The following SARDH variants were observed in gnomAD, a reference collection of about 807,000 sequenced individuals.
SARDH encodes sarcosine dehydrogenase, also known as sarcosine dehydrogenase, mitochondrial.
In SARDH, 95 loss-of-function variants were observed where a neutral mutation model predicts 109.1. That is an observed-to-expected ratio of 0.87 (90% CI 0.74 to 1.03). SARDH has a LOEUF of 1.03. Ranked by LOEUF, SARDH falls within the 50% of genes least tolerant of loss-of-function variation. The pLI, the probability that SARDH is intolerant of heterozygous loss-of-function variation, is 0.00. For synonymous variants in SARDH, 572 were observed against 534.8 expected, an observed-to-expected ratio of 1.07 and a Z score of -0.96; for missense variants, 1,267 against 1,287.8, an observed-to-expected ratio of 0.98 and a Z score of 0.25.
At chr9:133,706,893 C>T (rs2131428736) in intron 11 of SARDH, among the ~76,000 whole-genome samples, 1 of 152,232 alleles carries the variant, frequency 6.6e-6, no homozygotes, top group Admixed American at 6.5e-5. Context: ...AGGAGGCACG[C>T]CCAAGGCCAC....
chr9:133,670,311 A>G (rs1830294023), intron 19 of SARDH, among the ~76,000 whole-genome samples: 1 of 144,002 alleles, frequency 6.9e-6, no homozygotes, highest in African/African-American at 2.6e-5. Flanking sequence ...CCTGGGCAAT[A>G]GAGTGAGACT....
At chr9:133,708,465 A>T (rs368192934) in intron 10 of SARDH, 37 bp from the exon 11 acceptor site, 31 of 1,581,134 alleles carry the variant, frequency 2.0e-5, no homozygotes, top group Non-Finnish European at 2.7e-5. Flanking sequence ...TGCTTTGGGG[A>T]TGGCCCGTCA....
In SARDH at chr9:133,692,277, T is replaced by C. The variant is rs1010120316; in HGVS notation, c.1922-1750A>G. 6.6e-6 allele frequency among the ~76,000 whole-genome samples: 1 copy of C among 152,150 alleles called. No homozygotes were observed. Among genetic ancestry groups the C allele is most frequent in the African/African-American group, 2.4e-5 (1 of 41,434 alleles). ...GACCTGGCCAGGATTTTTGGTGACC[T>C]GTGTCCTCATTTTGGCCCCTCTACT... On this transcript the variant is annotated intron_variant, in intron 15 of 20. Coordinates refer to ENST00000439388, the MANE Select transcript of SARDH (RefSeq NM_001134707.2). The surrounding 1 kb of genome is among the most constrained non-coding windows in gnomAD (Gnocchi z 5.0).
downstream of SARDH, among the ~76,000 whole-genome samples, chr9:133,661,169 G>A (rs571957958): frequency 1.5e-4 from 23 of 152,100 alleles, 1 homozygote; most frequent in South Asian, 1.2e-3. Context: ...GTGAAACCCC[G>A]TCTCTACTAA....
chr9:133,701,914 G>C (rs918490082), intron 13 of SARDH, among the ~76,000 whole-genome samples: 1 of 152,236 alleles, frequency 6.6e-6, no homozygotes, highest in Non-Finnish European at 1.5e-5. Context: ...AGAGTCTCAA[G>C]GCACTGACAG....
rs1831847987 is a variant in SARDH at position 133,709,811 on chromosome 9, C to T, written c.1329-1383G>A. On this transcript the variant is annotated intron_variant, in intron 10 of 20. Coordinates refer to ENST00000439388, the MANE Select transcript of SARDH (RefSeq NM_001134707.2). The surrounding 1 kb of genome is among the most constrained non-coding windows in gnomAD (Gnocchi z 4.2). ...ATTAACTCTTTCACGCAGGGGGAAA[C>T]TGAGGCTCGGAAGGGTCTCACAAGT... is the stretch of plus-strand genomic sequence containing the variant. 6.6e-6 allele frequency among the ~76,000 whole-genome samples: 1 copy of T among 152,156 alleles called. No homozygotes were observed. The highest frequency in any genetic ancestry group is 6.5e-5 in the Admixed American group (1 of 15,272).
downstream of SARDH, among the ~76,000 whole-genome samples, chr9:133,661,483 T>A (rs1209445329): frequency 6.6e-6 from 1 of 152,038 alleles, no homozygotes; most frequent in Non-Finnish European, 1.5e-5. Flanking sequence ...GGCACTTTCT[T>A]TTTTTTGTTG....
intron 17 of SARDH, among the ~76,000 whole-genome samples, chr9:133,680,528 G>A (rs974541192): frequency 2.0e-5 from 3 of 152,224 alleles, no homozygotes; most frequent in African/African-American, 7.2e-5. Flanking sequence ...AGCAAAAACT[G>A]TAACATTGAC....
chr9:133,730,639 C>T (rs1444338805), intron 4 of SARDH, among the ~76,000 whole-genome samples: 1 of 151,342 alleles, frequency 6.6e-6, no homozygotes, highest in African/African-American at 2.4e-5. Context: ...ATACTAGTTA[C>T]TGCTGGGTGA....
chr9:133,662,632 G>T (rs552427557), downstream of SARDH, among the ~76,000 whole-genome samples: 24 of 152,340 alleles, frequency 1.6e-4, no homozygotes, highest in South Asian at 5.0e-3. This position sits in a 1 kb window ranked among gnomAD's most constrained non-coding sequence, Gnocchi z 5.1. Flanking sequence ...AGCTTTGTTC[G>T]AGCTCAGTCC....
In SARDH at chr9:133,692,057, G is replaced by C. The variant is rs1420769698; in HGVS notation, c.1922-1530C>G. 6.6e-6 allele frequency among the ~76,000 whole-genome samples: 1 copy of C among 152,120 alleles called. No homozygotes were observed. Among genetic ancestry groups the C allele is most frequent in the Non-Finnish European group, 1.5e-5 (1 of 68,024 alleles). On this transcript the variant is annotated intron_variant, in intron 15 of 20. Transcript: ENST00000439388. The surrounding 1 kb of genome is among the most constrained non-coding windows in gnomAD (Gnocchi z 5.0). ...TTCCTGACAGCTTCCCCTTATGAGGGGGGACGAGCAAGGTCCTCATTCCCC... is the reference window on the plus strand; with the variant it reads ...TTCCTGACAGCTTCCCCTTATGAGGCGGGACGAGCAAGGTCCTCATTCCCC...
At position 133,692,053 on chromosome 9, in the gene SARDH, G is replaced by A. The variant is rs768829244; in HGVS notation, c.1922-1526C>T. On this transcript the variant is annotated intron_variant, in intron 15 of 20. Transcript: ENST00000439388. The surrounding 1 kb of genome is among the most constrained non-coding windows in gnomAD (Gnocchi z 5.0). Reference sequence around the variant, plus strand: ...CACTTTCCTGACAGCTTCCCCTTATGAGGGGGGACGAGCAAGGTCCTCATT... The same window carrying A: ...CACTTTCCTGACAGCTTCCCCTTATAAGGGGGGACGAGCAAGGTCCTCATT... 6.6e-6 allele frequency among the ~76,000 whole-genome samples: 1 copy of A among 152,170 alleles called. No homozygotes were observed. The highest frequency in any genetic ancestry group is 1.5e-5 in the Non-Finnish European group (1 of 68,020).
chr9:133,692,775 C>T lies in SARDH; in HGVS notation c.1921+1483G>A, dbSNP rs1011549780. On this transcript the variant is annotated intron_variant, in intron 15 of 20. Transcript: ENST00000439388. This position sits in a 1 kb window ranked among gnomAD's most constrained non-coding sequence, Gnocchi z 5.0. ...GCTCACGTGATGACTGTTGAGGGAA[C>T]GAGCGAAGGAACGAGCTCATGGATC... is the stretch of plus-strand genomic sequence containing the variant. Among the ~76,000 whole-genome samples the T allele has an allele frequency of 6.6e-6, 1 of 152,136 alleles. No homozygotes were observed. Among genetic ancestry groups the T allele is most frequent in the Non-Finnish European group, 1.5e-5 (1 of 68,014 alleles).
Position 133,663,759 on chromosome 9 carries a change from C to CAGGACT in SARDH, c.*124_*129dup. ...TCCGTATCTGGTTTGGGGGTTTTCG[C>CAGGACT]AGGACTAGGCCTAGGCTAAGGACAG... On this transcript the variant is annotated 3_prime_UTR_variant, in exon 21 of 21. Transcript: ENST00000439388. 2 of 1,324,954 alleles carry CAGGACT rather than the reference C, an allele frequency of 1.5e-6. No individual in the cohort carries two copies. Among genetic ancestry groups the CAGGACT allele is most frequent in the East Asian group, 4.7e-5 (2 of 42,728 alleles). The allele number at this position is 1,324,954 out of a possible 1,614,324, so 82.1% of individuals were successfully genotyped here.
At chr9:133,717,535 G>A in intron 7 of SARDH, 80 bp from the exon 8 acceptor site, 2 of 1,572,504 alleles carry the variant, frequency 1.3e-6, no homozygotes, top group Non-Finnish European at 1.7e-6. Context: ...CCTTGTGATG[G>A]CTGCCAGGCC....
rs971328095 is a variant in SARDH, at chr9:133,709,048, TG to T, written c.1329-621del. On this transcript the variant is annotated intron_variant, in intron 10 of 20. Coordinates refer to ENST00000439388, the MANE Select transcript of SARDH (RefSeq NM_001134707.2). This position sits in a 1 kb window ranked among gnomAD's most constrained non-coding sequence, Gnocchi z 4.2. ...AGGGACCCAAGAGGTACAGAGTCTC[TG>T]GGGGAAAATCCCAGCTGTGTCTGGG... 2.0e-5 allele frequency among the ~76,000 whole-genome samples: 3 copies of T among 152,120 alleles called. No individual in the cohort carries two copies. The highest frequency in any genetic ancestry group is 2.9e-5 in the Non-Finnish European group (2 of 68,014).
intron 14 of SARDH, among the ~76,000 whole-genome samples, chr9:133,695,639 C>A (rs1054071788): frequency 1.4e-5 from 2 of 143,142 alleles, no homozygotes; most frequent in South Asian, 4.5e-4. Flanking sequence ...AGAACCGTGA[C>A]AATAAATTGG....
At position 133,725,972 on chromosome 9, in the gene SARDH, C is replaced by A. The variant is rs143179846; in HGVS notation, c.915+3793G>T. Among the ~76,000 whole-genome samples the A allele has an allele frequency of 9.0e-3, 1,367 of 152,268 alleles. 18 individuals are homozygous for A. The highest frequency in any genetic ancestry group is 0.031 in the African/African-American group (1,274 of 41,556). ...AGGGACATTCTGGCAGATGCTTCCT[C>A]CCTCTCCGCCAGGATCCCAGGAGTC... is the stretch of plus-strand genomic sequence containing the variant. On this transcript the variant is annotated intron_variant, in intron 6 of 20. Transcript: ENST00000439388.
chr9:133,732,318 C>G, intron 3 of SARDH, 105 bp downstream of exon 3: 1 of 719,766 alleles, frequency 1.4e-6, no homozygotes, highest in Non-Finnish European at 2.0e-6. Context: ...TCACAGGGAG[C>G]CCACCCTACC....
Sources: allele counts gnomAD v4.1 joint callset (sites outside exome capture counted in the v4.1 genomes callset), GRCh38; gene constraint gnomAD v4.1.1; non-coding constraint Gnocchi (gnomAD v3.1); transcripts MANE v1.5; gene names NCBI Gene and HGNC (gene_info 2026-07-23, HGNC 2026-07-21).